The following COQ7 variants were observed in gnomAD, a reference collection of about 807,000 sequenced individuals.
COQ7 encodes the protein NADPH-dependent 3-demethoxyubiquinone 3-hydroxylase, mitochondrial.
In COQ7, 21 loss-of-function variants were observed where a neutral mutation model predicts 25.0. That is an observed-to-expected ratio of 0.84 (90% CI 0.60 to 1.21). The LOEUF (loss-of-function observed/expected upper bound fraction) is 1.21. COQ7 is among the 50% of genes most tolerant of loss of function. COQ7 has a pLI of 0.00. For missense variants in COQ7, 311 were observed against 296.2 expected, an observed-to-expected ratio of 1.05 and a Z score of -0.37; for synonymous variants, 125 against 112.4, an observed-to-expected ratio of 1.11 and a Z score of -0.71.
At chr16:19,070,462 G>C (rs1962496643) in intron 1 of COQ7, among the ~76,000 whole-genome samples, 1 of 152,224 alleles carries the variant, frequency 6.6e-6, no homozygotes, top group Admixed American at 6.5e-5. Flanking sequence ...GCTGGGCATG[G>C]TGGCTCACGC....
In COQ7 at chr16:19,075,794, T is replaced by TCCAC; in HGVS notation, c.442_443insCACC (p.His148ProfsTer16). 1 of 1,613,770 alleles carries TCCAC rather than the reference T, an allele frequency of 6.2e-7. No individual in the cohort carries two copies. Among genetic ancestry groups the TCCAC allele is most frequent in the Non-Finnish European group, 8.5e-7 (1 of 1,179,814 alleles). On this transcript the variant is annotated frameshift_variant, in exon 4 of 6. Coordinates refer to ENST00000321998, the MANE Select transcript of COQ7 (RefSeq NM_016138.5). LOFTEE classifies it high-confidence loss of function. ...TGGCGGTGGAAGAGAGCATAGCACA[T>TCCAC]CACTACAACAACCAGATCAGGACGC...
rs758503389 is a variant in COQ7 at position 19,078,066 on chromosome 16, T to G, written c.577-15T>G. On this transcript the variant is annotated splice_polypyrimidine_tract_variant and intron_variant, in intron 5 of 5. Transcript: ENST00000321998. ...CACATAACATGTTTCTTTGTTTGCT[T>G]ATTGTTTTTAACAGGCTCCAGCCTA... The G allele has an allele frequency of 8.8e-6, 14 of 1,582,882 alleles. No homozygotes were observed. Among genetic ancestry groups the G allele is most frequent in the Admixed American group, 1.8e-5 (1 of 54,922 alleles).
chr16:19,081,277 C>T (rs1963094813), downstream of COQ7, among the ~76,000 whole-genome samples: 1 of 152,112 alleles, frequency 6.6e-6, no homozygotes, highest in Admixed American at 6.6e-5. Context: ...TGCATAAGTG[C>T]AACAAGAATC....
chr16:19,076,254 A>ATTTTTTT (rs765074767), intron 4 of COQ7, among the ~76,000 whole-genome samples: 53 of 120,730 alleles, frequency 4.4e-4, no homozygotes, highest in Non-Finnish European at 7.0e-4. Flanking sequence ...CTCACAGCTA[A>ATTTTTTT]TTTTTTTTTT....
rs1963003726 is a variant in COQ7, at chr16:19,078,983, C to T, written c.*825C>T. On this transcript the variant is annotated 3_prime_UTR_variant, in exon 6 of 6. Transcript: ENST00000321998. ...CTACAGTCTGTATGTCTGTGTCTCCCTAGAATTCATACGATGAAATCTTCA... is the reference window on the plus strand; with the variant it reads ...CTACAGTCTGTATGTCTGTGTCTCCTTAGAATTCATACGATGAAATCTTCA... 1 of 152,036 alleles carries T rather than the reference C, an allele frequency of 6.6e-6. No individual in the cohort carries two copies. The highest frequency in any genetic ancestry group is 6.6e-5 in the Admixed American group (1 of 15,248). The allele number at this position is 152,036 out of a possible 1,614,324, so 9.4% of individuals were successfully genotyped here. A position where few individuals can be genotyped will look rare whatever the true frequency, so the allele number is the denominator to read the frequency against.
At chr16:19,068,360 A>G (rs1962352258) in intron 1 of COQ7, 1 of 989,958 alleles carries the variant, frequency 1.0e-6, no homozygotes, top group African/African-American at 1.7e-5. Context: ...GCCTTAGAAA[A>G]TTGTCATGAG....
At chr16:19,075,674 G>C (rs772472559) in intron 3 of COQ7, 47 bp from the exon 4 acceptor site, 16 of 1,524,806 alleles carry the variant, frequency 1.0e-5, no homozygotes, top group Non-Finnish European at 1.4e-5. Flanking sequence ...CTCCATTACC[G>C]GTCATATCTG....
Position 19,078,263 on chromosome 16 carries a change from A to T in COQ7, c.*105A>T. ...ATCGTTGTACTTTTGTACAATGTGAATTTTGTTAATAAATTATAAGGTTTG... is the reference window on the plus strand; with the variant it reads ...ATCGTTGTACTTTTGTACAATGTGATTTTTGTTAATAAATTATAAGGTTTG... On this transcript the variant is annotated 3_prime_UTR_variant, in exon 6 of 6. Transcript: ENST00000321998. 1.3e-6 allele frequency: 1 copy of T among 757,056 alleles called. No individual in the cohort carries two copies. The highest frequency in any genetic ancestry group is 3.2e-5 in the East Asian group (1 of 31,150). The allele number at this position is 757,056 out of a possible 1,614,324, so 46.9% of individuals were successfully genotyped here.
intron 3 of COQ7, among the ~76,000 whole-genome samples, chr16:19,074,395 C>G (rs965856800): frequency 1.3e-5 from 2 of 151,780 alleles, no homozygotes; most frequent in African/African-American, 4.8e-5. Context: ...CATGGTGGTG[C>G]GTGCCTGTAA....
rs533999870 is a variant in COQ7 at position 19,072,357 on chromosome 16, G to T, written c.252+251G>T. On this transcript the variant is annotated intron_variant, in intron 2 of 5. Coordinates refer to ENST00000321998, the MANE Select transcript of COQ7 (RefSeq NM_016138.5). ...TTGGTATCAGTACTCCATGGCGGGG[G>T]CAGGCAGTAATGAAAAAAGGTTAAG... 6.1e-6 allele frequency: 3 copies of T among 489,868 alleles called. No homozygotes were observed. The South Asian group carries it at 8.3e-5, about 13-fold the overall frequency. The allele number at this position is 489,868 out of a possible 1,614,324, so 30.3% of individuals were successfully genotyped here. A position where few individuals can be genotyped will look rare whatever the true frequency, so the allele number is the denominator to read the frequency against.
chr16:19,074,041 T>C lies in COQ7; in HGVS notation c.367+6T>C. The C allele has an allele frequency of 6.2e-7, 1 of 1,606,796 alleles. No homozygotes were observed. The highest frequency in any genetic ancestry group is 8.5e-7 in the Non-Finnish European group (1 of 1,174,516). On this transcript the variant is annotated splice_donor_region_variant and intron_variant, in intron 3 of 5. Transcript: ENST00000321998. ...CGTGCTGGGGTTTGCACTGGGTACG[T>C]GTCTCTCTAGAAGAGCTTATGCAAG...
Position 19,078,412 on chromosome 16 carries a change from T to C in COQ7, c.*254T>C. On this transcript the variant is annotated 3_prime_UTR_variant, in exon 6 of 6. Transcript: ENST00000321998. ...CGAAGCTGGGCCTTGTTTGGTCTCA[T>C]ACTTAATTTTCTTTTATATACATGT... is the stretch of plus-strand genomic sequence containing the variant. 1 of 279,920 alleles carries C rather than the reference T, an allele frequency of 3.6e-6. No individual in the cohort carries two copies. The allele number at this position is 279,920 out of a possible 1,614,324, so 17.3% of individuals were successfully genotyped here.
chr16:19,077,562 CT>C (rs1045234436), intron 5 of COQ7, among the ~76,000 whole-genome samples, 188 bp downstream of exon 5: 3 of 115,362 alleles, frequency 2.6e-5, no homozygotes, highest in African/African-American at 9.0e-5. Flanking sequence ...TCCTTTCTTG[CT>C]TTATGCCTTC....
At chr16:19,070,734 A>T (rs1284721619) in intron 1 of COQ7, among the ~76,000 whole-genome samples, 1 of 151,924 alleles carries the variant, frequency 6.6e-6, no homozygotes, top group Non-Finnish European at 1.5e-5. Flanking sequence ...TGGGCGATAC[A>T]GTCAGAGTCT....
intron 1 of COQ7, chr16:19,071,723 C>T: frequency 1.7e-6 from 1 of 587,354 alleles, no homozygotes; most frequent in South Asian, 2.0e-5. Flanking sequence ...GATCTTCATA[C>T]ACTTAAAGTG....
At chr16:19,083,029 G>A (rs1190994488), downstream of COQ7, among the ~76,000 whole-genome samples, 1 of 152,020 alleles carries the variant, frequency 6.6e-6, no homozygotes, top group Admixed American at 6.6e-5. Context: ...TTCTAGAATC[G>A]GTGATAGTTG....
At chr16:19,077,500 C>T (rs1185421161) in intron 5 of COQ7, 126 bp downstream of exon 5, 12 of 665,942 alleles carry the variant, frequency 1.8e-5, no homozygotes, top group Admixed American at 3.0e-5. Flanking sequence ...AAACCAATGA[C>T]GTTGCTTTGA....
Position 19,068,184 on chromosome 16 carries a change from C to G in COQ7, c.73+447C>G, listed in dbSNP as rs1039617393. 3.9e-6 allele frequency: 4 copies of G among 1,029,294 alleles called. No individual in the cohort carries two copies. The African/African-American group carries it at 6.9e-5, about 18-fold the overall frequency. 63.8% of individuals were successfully genotyped at this position (1,029,294 alleles called of 1,614,324 possible). A position where few individuals can be genotyped will look rare whatever the true frequency, so the allele number is the denominator to read the frequency against. On this transcript the variant is annotated intron_variant, in intron 1 of 5. Transcript: ENST00000321998. Reference sequence around the variant, plus strand: ...AGAAATACAGATTCTCGGGCCCCACCCCGACCTACTTGGTCGGTATCTGTG... The same window carrying G: ...AGAAATACAGATTCTCGGGCCCCACGCCGACCTACTTGGTCGGTATCTGTG...
At chr16:19,068,178 C>T (rs1272400974) in intron 1 of COQ7, 2 of 1,031,036 alleles carry the variant, frequency 1.9e-6, no homozygotes, top group Admixed American at 5.2e-5. Context: ...GATTCTCGGG[C>T]CCCACCCCGA....
Sources: allele counts gnomAD v4.1 joint callset (sites outside exome capture counted in the v4.1 genomes callset), GRCh38; gene constraint gnomAD v4.1.1; transcripts MANE v1.5; gene names NCBI Gene and HGNC (gene_info 2026-07-23, HGNC 2026-07-21).